CFAP47: variants seen among roughly 807,000 people sequenced by gnomAD.
CFAP47 encodes cilia- and flagella-associated protein 47.
Under a neutral mutation model 148.1 loss-of-function variants are expected in CFAP47, and 29 were observed. The ratio of observed to expected loss-of-function variants is 0.20; its 90% CI spans 0.15 to 0.27. The LOEUF is 0.27. Among genes scored for constraint, CFAP47 ranks in the 10% least tolerant of loss-of-function variants. The pLI, the probability that CFAP47 is intolerant of heterozygous loss-of-function variation, is 1.00. For missense variants in CFAP47, 1,872 were observed against 1,697.5 expected (o/e 1.10, Z -1.81); for synonymous variants, 664 against 577.3 (o/e 1.15, Z -2.15).
chrX:35,959,605 G>C (rs1936294406), intron 8 of CFAP47, among the ~76,000 whole-genome samples: 1 of 111,370 alleles, frequency 9.0e-6, no homozygotes, highest in Non-Finnish European at 1.9e-5. Flanking sequence ...TCAGGAGTTC[G>C]AGACCAGCCT....
rs1357820340 is a variant in CFAP47, at chrX:36,361,412, T to C, written c.8934T>C (p.Ala2978=). Residue 2978 remains alanine, a synonymous_variant, in exon 61 of 64, where the codon GCT becomes GCC. Coordinates refer to ENST00000378653, the MANE Select transcript of CFAP47 (RefSeq NM_001304548.2). ...AMKSKLESCV[A]LYMIEKSYDI... Reference sequence around the variant, plus strand: ...AGTCTAAGTTGGAATCCTGTGTAGCTTTATATATGATTGAAAAATCTTATG... The same window carrying C: ...AGTCTAAGTTGGAATCCTGTGTAGCCTTATATATGATTGAAAAATCTTATG... The C allele has an allele frequency of 9.1e-7, 1 of 1,098,956 alleles. No individual in the cohort carries two copies. Among genetic ancestry groups the C allele is most frequent in the South Asian group, 2.1e-5 (1 of 48,531 alleles). The allele number at this position is 1,098,956 out of a possible 1,213,427, so 90.6% of individuals were successfully genotyped here. A position where few individuals can be genotyped will look rare whatever the true frequency, so the allele number is the denominator to read the frequency against.
chrX:35,933,883 G>A (rs1266624064), intron 2 of CFAP47, among the ~76,000 whole-genome samples: 1 of 111,936 alleles, frequency 8.9e-6, no homozygotes, highest in Non-Finnish European at 1.9e-5. Flanking sequence ...TTTGAGAAAT[G>A]TCTATTCAAA....
intron 40 of CFAP47, 36 bp downstream of exon 40, chrX:36,179,458 G>A (rs751398092): frequency 3.4e-6 from 1 of 294,389 alleles, no homozygotes; most frequent in Admixed American, 6.1e-5. Flanking sequence ...AAGTATCTGA[G>A]AAAAAGTTTT....
chrX:36,082,871 A>G (rs1162646420), intron 29 of CFAP47, among the ~76,000 whole-genome samples: 2 of 111,788 alleles, frequency 1.8e-5, no homozygotes, highest in Non-Finnish European at 3.8e-5. Flanking sequence ...TCTGTAAAAA[A>G]GGAGATAATG....
rs1397408446 is a variant in CFAP47, at chrX:36,071,268, G to A, written c.4319-557G>A. 3.6e-5 allele frequency among the ~76,000 whole-genome samples: 4 copies of A among 112,299 alleles called. No homozygotes were observed. The South Asian group carries it at 1.5e-3, about 41-fold the overall frequency. On this transcript the variant is annotated intron_variant, in intron 27 of 63. Transcript: ENST00000378653. ...CACACCTACTGGCTTTTCTTGGCCA[G>A]CACTGCCTTTGGTTGGATTCAGATT...
chrX:36,272,033 A>T (rs1476417299), intron 49 of CFAP47, among the ~76,000 whole-genome samples: 1 of 112,056 alleles, frequency 8.9e-6, no homozygotes, highest in Non-Finnish European at 1.9e-5. Context: ...CACTATAGAC[A>T]TCTTAATTTG....
At chrX:36,085,640 A>C (rs191058894) in intron 30 of CFAP47, 102 bp downstream of exon 30, 8 of 329,596 alleles carry the variant, frequency 2.4e-5, no homozygotes, top group Admixed American at 2.1e-4. Context: ...TTTCTAACCA[A>C]ACACACACAC....
intron 26 of CFAP47, among the ~76,000 whole-genome samples, chrX:36,056,647 T>C (rs1423928495): frequency 1.8e-5 from 2 of 112,491 alleles, no homozygotes; most frequent in East Asian, 2.8e-4. Flanking sequence ...ATTTGAAATA[T>C]GTGGAACTGA....
At chrX:36,162,787 T>C (rs2146851264) in intron 39 of CFAP47, among the ~76,000 whole-genome samples, 1 of 111,904 alleles carries the variant, frequency 8.9e-6, no homozygotes, top group African/African-American at 3.2e-5. Flanking sequence ...TTTTTAATTT[T>C]ATATTTGATA....
At chrX:36,244,413 A>T (rs1374897665) in intron 48 of CFAP47, among the ~76,000 whole-genome samples, 1 of 111,471 alleles carries the variant, frequency 9.0e-6, no homozygotes, top group Non-Finnish European at 1.9e-5. Context: ...ACTGAGACAC[A>T]TAAATCCATA....
chrX:36,099,577 A>G (rs1008908903), intron 31 of CFAP47, among the ~76,000 whole-genome samples, 174 bp from the exon 32 acceptor site: 1 of 107,252 alleles, frequency 9.3e-6, no homozygotes, highest in African/African-American at 3.4e-5. Context: ...TCTAAATAAG[A>G]GACTGTGTGC....
At chrX:36,359,597 C>T in intron 60 of CFAP47, among the ~76,000 whole-genome samples, 1 of 111,146 alleles carries the variant, frequency 9.0e-6, no homozygotes, top group Non-Finnish European at 1.9e-5. Context: ...ATTTACTTTG[C>T]CAGTGAGATT....
chrX:35,987,145 TCTG>T (rs1446896744), intron 15 of CFAP47, among the ~76,000 whole-genome samples: 1 of 111,773 alleles, frequency 8.9e-6, no homozygotes, highest in African/African-American at 3.3e-5. Flanking sequence ...TGCTGGGAGA[TCTG>T]CTGCTCTCTT....
At chrX:35,951,467 A>G in intron 5 of CFAP47, 108 bp downstream of exon 5, 1 of 577,486 alleles carries the variant, frequency 1.7e-6, no homozygotes, top group Non-Finnish European at 2.7e-6. Context: ...ATCTTTTAAC[A>G]TGGGCAGATA....
rs1940299287 is a variant in CFAP47 at position 36,228,657 on chromosome X, C to G, written c.6847C>G (p.Gln2283Glu). The change falls in exon 46 of 64, where the codon CAA (glutamine) becomes GAA (glutamate). Residue 2283 changes from glutamine (Q) to glutamate (E), a missense_variant. Coordinates refer to ENST00000378653, the MANE Select transcript of CFAP47 (RefSeq NM_001304548.2). ...AGATGGATCTGTTCCACTTCCTTTG[C>G]AATTTCTTCCTCTCCAATCTGGACG... ...ASDGSVPLPL[Q>E]FLPLQSGRYP... 3 of 522,963 alleles carry G rather than the reference C, an allele frequency of 5.7e-6. No individual in the cohort carries two copies. The highest frequency in any genetic ancestry group is 1.0e-5 in the Non-Finnish European group (3 of 285,869). 43.1% of individuals were successfully genotyped at this position (522,963 alleles called of 1,213,427 possible).
At chrX:36,079,929 G>A (rs932672449) in intron 29 of CFAP47, among the ~76,000 whole-genome samples, 1 of 111,621 alleles carries the variant, frequency 9.0e-6, no homozygotes, top group Non-Finnish European at 1.9e-5. Context: ...ATAGACAAAT[G>A]GGATCTAATT....
At chrX:36,335,941 TATC>T (rs782010392) in intron 57 of CFAP47, among the ~76,000 whole-genome samples, 1 of 111,517 alleles carries the variant, frequency 9.0e-6, no homozygotes, top group East Asian at 2.8e-4. Context: ...TAGAAAACGA[TATC>T]ATAATGAGAA....
At chrX:36,228,226 C>T (rs1555991792) in intron 45 of CFAP47, among the ~76,000 whole-genome samples, 3 of 111,306 alleles carry the variant, frequency 2.7e-5, no homozygotes, top group Non-Finnish European at 1.9e-5. Context: ...AGTCACATAG[C>T]TGGGTCTGGC....
chrX:36,002,218 G>A (rs1290925297), intron 21 of CFAP47, among the ~76,000 whole-genome samples: 1 of 111,345 alleles, frequency 9.0e-6, no homozygotes, highest in East Asian at 2.8e-4. Flanking sequence ...GAGACCACTG[G>A]TCAGGTTTCA....
Sources: gnomAD v4.1 joint callset for allele counts (sites outside exome capture counted in the v4.1 genomes callset) on GRCh38, gnomAD v4.1.1 for gene constraint, MANE v1.5 for transcripts, NCBI Gene and HGNC (gene_info 2026-07-23, HGNC 2026-07-21) for gene names.